C5orf22: variants seen among roughly 807,000 people sequenced by gnomAD.
The protein encoded by C5orf22 is UPF0489 protein C5orf22.
A neutral mutation model predicts 48.7 loss-of-function variants in C5orf22; 36 were observed. The ratio of observed to expected loss-of-function variants is 0.74; its 90% confidence interval spans 0.57 to 0.98. The LOEUF is 0.98. Among genes scored for constraint, C5orf22 ranks in the 50% least tolerant of loss-of-function variants. C5orf22 has a pLI of 0.00. For synonymous variants in C5orf22, 141 were observed against 180.8 expected (o/e 0.78, Z 1.76); for missense variants, 486 against 521.9 (o/e 0.93, Z 0.67).
At chr5:31,539,849 C>T (rs1031289089) in intron 4 of C5orf22, among the ~76,000 whole-genome samples, 5 of 151,598 alleles carry the variant, frequency 3.3e-5, no homozygotes, top group African/African-American at 7.3e-5. Context: ...TTGAGAACAG[C>T]GTAGGCAACG....
intron 7 of C5orf22, among the ~76,000 whole-genome samples, chr5:31,549,894 C>A (rs1027308623): frequency 2.0e-5 from 3 of 152,104 alleles, no homozygotes; most frequent in African/African-American, 4.8e-5. Context: ...AAAGAAAATG[C>A]TTTGAATTCA....
intron 1 of C5orf22, among the ~76,000 whole-genome samples, chr5:31,533,263 TAAAAAA>T: frequency 6.8e-6 from 1 of 146,810 alleles, no homozygotes; most frequent in East Asian, 2.0e-4. Flanking sequence ...CCATATTGCG[TAAAAAA>T]AAAAAAAAAT....
chr5:31,537,886 C>T (rs1226390957), intron 3 of C5orf22, among the ~76,000 whole-genome samples: 1 of 152,194 alleles, frequency 6.6e-6, no homozygotes, highest in Non-Finnish European at 1.5e-5. Flanking sequence ...TTTGCACCAC[C>T]GTCTCTAGAA....
Position 31,552,971 on chromosome 5 carries a change from C to T in C5orf22, c.*69C>T. The T allele has an allele frequency of 7.2e-7, 1 of 1,389,940 alleles. No individual in the cohort carries two copies. The highest frequency in any genetic ancestry group is 1.0e-6 in the Non-Finnish European group (1 of 996,376). 86.1% of individuals were successfully genotyped at this position (1,389,940 alleles called of 1,614,324 possible). A position where few individuals can be genotyped will look rare whatever the true frequency, so the allele number is the denominator to read the frequency against. On this transcript the variant is annotated 3_prime_UTR_variant, in exon 9 of 9. Coordinates refer to ENST00000325366, the MANE Select transcript of C5orf22 (RefSeq NM_018356.3). ...CAGGCCCTTAATTAACTTATTTGTA[C>T]ATGAGTCTTCCAGAGAACACTGTTT...
chr5:31,539,611 G>A (rs570586895), intron 4 of C5orf22, among the ~76,000 whole-genome samples: 1 of 152,196 alleles, frequency 6.6e-6, no homozygotes, highest in Non-Finnish European at 1.5e-5. Context: ...GGAAACCTGG[G>A]AACACAAGGA....
chr5:31,541,256 T>G, intron 5 of C5orf22, 25 bp from the exon 6 acceptor site: 1 of 1,603,514 alleles, frequency 6.2e-7, no homozygotes, highest in South Asian at 1.1e-5. Flanking sequence ...AACTATATAA[T>G]CTCAGCTTTT....
At chr5:31,545,450 G>A (rs951091754) in intron 6 of C5orf22, among the ~76,000 whole-genome samples, 196 bp from the exon 7 acceptor site, 5 of 152,128 alleles carry the variant, frequency 3.3e-5, no homozygotes, top group African/African-American at 4.8e-5. Flanking sequence ...AACACAATGT[G>A]TAATCTTTTG....
intron 6 of C5orf22, among the ~76,000 whole-genome samples, chr5:31,544,392 G>A (rs1247834458): frequency 1.3e-5 from 2 of 152,114 alleles, no homozygotes; most frequent in East Asian, 3.9e-4. Context: ...AACCATCCTG[G>A]CTAACACGGT....
intron 4 of C5orf22, among the ~76,000 whole-genome samples, chr5:31,539,310 A>C (rs1433667123): frequency 6.6e-6 from 1 of 152,178 alleles, no homozygotes; most frequent in African/African-American, 2.4e-5. Flanking sequence ...TATCCACAGG[A>C]GGTCCCAGAA....
At chr5:31,543,726 T>C (rs1742616030) in intron 6 of C5orf22, among the ~76,000 whole-genome samples, 1 of 152,188 alleles carries the variant, frequency 6.6e-6, no homozygotes, top group Non-Finnish European at 1.5e-5. Context: ...ACCTATTATT[T>C]TGTTATTTCA....
Position 31,552,917 on chromosome 5 carries a change from T to G in C5orf22, c.*15T>G. 1.2e-6 allele frequency: 2 copies of G among 1,612,088 alleles called. No individual in the cohort carries two copies. The highest frequency in any genetic ancestry group is 1.7e-6 in the Non-Finnish European group (2 of 1,178,870). The stretch of plus-strand genomic sequence containing the variant: ...CTCCATCTTGAAACAAACAAAACAT[T>G]AGGCTCCTGTTGTATCTTGGTTTAG... On this transcript the variant is annotated 3_prime_UTR_variant, in exon 9 of 9. Transcript: ENST00000325366.
chr5:31,549,078 G>T (rs1282800593), intron 7 of C5orf22, among the ~76,000 whole-genome samples: 2 of 152,136 alleles, frequency 1.3e-5, no homozygotes, highest in African/African-American at 4.8e-5. Context: ...AATTAGCCGG[G>T]CGTGGTGGCG....
At chr5:31,546,398 C>T (rs1742881807) in intron 7 of C5orf22, among the ~76,000 whole-genome samples, 1 of 152,178 alleles carries the variant, frequency 6.6e-6, no homozygotes, top group Admixed American at 6.5e-5. Context: ...CTTCAGTAAG[C>T]TGGGTTTGCA....
rs1319987345 is a variant in C5orf22 at position 31,540,949 on chromosome 5, G to A, written c.808G>A (p.Glu270Lys). 1 of 1,605,544 alleles carries A rather than the reference G, an allele frequency of 6.2e-7. No homozygotes were observed. Among genetic ancestry groups the A allele is most frequent in the Non-Finnish European group, 8.5e-7 (1 of 1,175,638 alleles). The change falls in exon 5 of 9, where the codon GAA (glutamate) becomes AAA (lysine). Residue 270 changes from glutamate to lysine, a missense_variant and splice_region_variant. By Grantham distance (56) the Glu-to-Lys change is moderately conservative. This residue lies in a region of C5orf22 where 408 missense variants were observed against 444.0 expected (regional missense o/e 0.92). Coordinates refer to ENST00000325366, the MANE Select transcript of C5orf22 (RefSeq NM_018356.3). ...GTGGATTTTTTGTTTTGTTTTCCAG[G>A]AAGAGTACAAAATCTTACAAGAGCT... Reference protein sequence around the residue: ...KNPFKEMFTQEEYKILQELYQ... With the variant: ...KNPFKEMFTQKEYKILQELYQ...
At chr5:31,544,951 A>G (rs1742756220) in intron 6 of C5orf22, among the ~76,000 whole-genome samples, 2 of 147,338 alleles carry the variant, frequency 1.4e-5, no homozygotes, top group Admixed American at 6.9e-5. Context: ...TAATAATTGT[A>G]TATACAAATA....
intron 7 of C5orf22, chr5:31,548,692 CTT>C (rs1478467836): frequency 2.7e-6 from 1 of 374,224 alleles, no homozygotes; most frequent in African/African-American, 2.1e-5. Context: ...TTTCAGGTAT[CTT>C]TTCAACAGTG....
Position 31,554,893 on chromosome 5 carries a change from T to A in C5orf22, c.*1991T>A, listed in dbSNP as rs1743503024. ...CCCTAATAGTTGAAAAGAATCAACT[T>A]AGTAAATTATGTCTTGCACATTCCA... is the stretch of plus-strand genomic sequence containing the variant. On this transcript the variant is annotated 3_prime_UTR_variant, in exon 9 of 9. Transcript: ENST00000325366. 6.6e-6 allele frequency: 1 copy of A among 152,236 alleles called. No homozygotes were observed. Among genetic ancestry groups the A allele is most frequent in the Admixed American group, 6.5e-5 (1 of 15,284 alleles). 9.4% of individuals were successfully genotyped at this position (152,236 alleles called of 1,614,324 possible).
Position 31,541,164 on chromosome 5 carries a change from T to C in C5orf22, c.871-117T>C, listed in dbSNP as rs562837929. ...TGTGTGTGTGTATTGGCGAAGCCCA[T>C]GGTTAGTACTTGAAAATTATGTTTT... On this transcript the variant is annotated intron_variant, in intron 5 of 8. Coordinates refer to ENST00000325366, the MANE Select transcript of C5orf22 (RefSeq NM_018356.3). 3.8e-5 allele frequency: 42 copies of C among 1,103,978 alleles called. No individual in the cohort carries two copies. The African/African-American group carries it at 5.7e-4, about 15-fold the overall frequency. 68.4% of individuals were successfully genotyped at this position (1,103,978 alleles called of 1,614,324 possible).
In C5orf22 at chr5:31,552,905, C is replaced by A. The variant is rs1743375471; in HGVS notation, c.*3C>A. On this transcript the variant is annotated 3_prime_UTR_variant, in exon 9 of 9. Coordinates refer to ENST00000325366, the MANE Select transcript of C5orf22 (RefSeq NM_018356.3). ...CAGCAGAGTCTCCTCCATCTTGAAACAAACAAAACATTAGGCTCCTGTTGT... is the reference window on the plus strand; with the variant it reads ...CAGCAGAGTCTCCTCCATCTTGAAAAAAACAAAACATTAGGCTCCTGTTGT... 1 of 1,612,852 alleles carries A rather than the reference C, an allele frequency of 6.2e-7. No individual in the cohort carries two copies. Among genetic ancestry groups the A allele is most frequent in the African/African-American group, 1.3e-5 (1 of 74,870 alleles).
Sources: allele counts gnomAD v4.1 joint callset (sites outside exome capture counted in the v4.1 genomes callset), GRCh38; gene constraint gnomAD v4.1.1; regional missense constraint gnomAD v4.1.1; transcripts MANE v1.5; gene names NCBI Gene and HGNC (gene_info 2026-07-23, HGNC 2026-07-21).